MGLL: variants seen among roughly 807,000 people sequenced by gnomAD.
MGLL encodes monoglyceride lipase, also known as lysophospholipase homolog.
Under a neutral mutation model 29.1 loss-of-function variants are expected in MGLL, and 7 were observed. That is an observed-to-expected ratio of 0.24 (90% CI 0.14 to 0.45). The LOEUF is 0.45. Ranked by LOEUF, MGLL falls within the 20% of genes least tolerant of loss-of-function variation. The pLI is 0.99. For missense variants in MGLL, 356 were observed against 413.6 expected, an observed-to-expected ratio of 0.86 and a Z score of 1.21; for synonymous variants, 148 against 168.3, an observed-to-expected ratio of 0.88 and a Z score of 0.93.
intron 5 of MGLL, among the ~76,000 whole-genome samples, chr3:127,714,750 G>A (rs1039248019): frequency 2.0e-5 from 3 of 152,228 alleles, no homozygotes; most frequent in African/African-American, 7.2e-5. Context: ...CAAAGAGGCA[G>A]GAGGGGACCC....
At chr3:127,706,463 G>A (rs565525279) in intron 6 of MGLL, among the ~76,000 whole-genome samples, 9 of 152,274 alleles carry the variant, frequency 5.9e-5, no homozygotes, top group South Asian at 2.1e-4. Flanking sequence ...GCTCACAGCC[G>A]TTTCTCCCAG....
At chr3:127,696,752 G>A (rs7653846) in intron 6 of MGLL, among the ~76,000 whole-genome samples, 21,719 of 151,988 alleles carry the variant, frequency 0.14, 1,900 homozygotes, top group East Asian at 0.29. Flanking sequence ...ATCCTTGCCA[G>A]TGGGTTCTTG....
intron 3 of MGLL, among the ~76,000 whole-genome samples, chr3:127,776,794 T>A (rs1350888748): frequency 6.6e-6 from 1 of 152,226 alleles, no homozygotes; most frequent in East Asian, 1.9e-4. Context: ...TCTGATCTAT[T>A]TTGGCTTATA....
chr3:127,706,845 C>T (rs1211558996), intron 6 of MGLL, among the ~76,000 whole-genome samples: 1 of 152,190 alleles, frequency 6.6e-6, no homozygotes, highest in Non-Finnish European at 1.5e-5. Context: ...GTGTGGGAGG[C>T]TGAAGCCCAT....
chr3:127,705,578 A>C (rs1445006779), intron 6 of MGLL, among the ~76,000 whole-genome samples: 1 of 151,914 alleles, frequency 6.6e-6, no homozygotes, highest in Admixed American at 6.6e-5. Flanking sequence ...GGAGTTCGAG[A>C]CTAGCCTGAC....
At chr3:127,742,238 A>C (rs1437036593) in intron 3 of MGLL, among the ~76,000 whole-genome samples, 1 of 152,194 alleles carries the variant, frequency 6.6e-6, no homozygotes, top group Non-Finnish European at 1.5e-5. Flanking sequence ...TCCTTATTAT[A>C]TAATAGGTGG....
At chr3:127,740,308 T>G (rs1380478862) in intron 3 of MGLL, among the ~76,000 whole-genome samples, 3 of 152,096 alleles carry the variant, frequency 2.0e-5, no homozygotes, top group African/African-American at 7.2e-5. Flanking sequence ...TGAAACGCGG[T>G]CCTTGTTCAG....
At chr3:127,694,652 C>A (rs1172849979) in intron 7 of MGLL, among the ~76,000 whole-genome samples, 1 of 152,134 alleles carries the variant, frequency 6.6e-6, no homozygotes, top group Non-Finnish European at 1.5e-5. Context: ...GTCCTTGGAG[C>A]TTGGACATGT....
intron 7 of MGLL, among the ~76,000 whole-genome samples, chr3:127,693,878 C>G (rs144908029): frequency 6.6e-6 from 1 of 152,172 alleles, no homozygotes; most frequent in African/African-American, 2.4e-5. Context: ...ACAATCTTAG[C>G]GGACTCCTTT....
chr3:127,737,630 C>CTTTTTT (rs774965066), intron 3 of MGLL, among the ~76,000 whole-genome samples: 911 of 68,584 alleles, frequency 0.013, 59 homozygotes, highest in Middle Eastern at 0.05. Context: ...TCAACTGCTT[C>CTTTTTT]TTTTTTTTTT....
rs373050688 is a variant in MGLL at position 127,710,562 on chromosome 3, G to C, written c.600+14C>G. 16 of 1,547,492 alleles carry C rather than the reference G, an allele frequency of 1.0e-5. No individual in the cohort carries two copies. Among genetic ancestry groups the C allele is most frequent in the Non-Finnish European group, 1.4e-5 (16 of 1,142,522 alleles). ...CCACCCAAGCTACCCCTGGGGTTTC[G>C]GAAAGCCTCTCACCTCTGTCTTATT... is the stretch of plus-strand genomic sequence containing the variant. On this transcript the variant is annotated intron_variant, in intron 6 of 7. Coordinates refer to ENST00000265052, the MANE Select transcript of MGLL (RefSeq NM_007283.7).
At chr3:127,777,221 G>C (rs2077051622) in intron 3 of MGLL, among the ~76,000 whole-genome samples, 1 of 152,208 alleles carries the variant, frequency 6.6e-6, no homozygotes, top group Admixed American at 6.5e-5. Flanking sequence ...AAGAACACAA[G>C]GATGGGTGAG....
intron 2 of MGLL, among the ~76,000 whole-genome samples, chr3:127,813,932 T>G (rs1209217587): frequency 6.6e-6 from 1 of 151,904 alleles, no homozygotes; most frequent in Non-Finnish European, 1.5e-5. Context: ...TCCTCTTCAT[T>G]CTCTCCTCTA....
chr3:127,728,236 A>C (rs2076083340), intron 3 of MGLL, among the ~76,000 whole-genome samples: 1 of 152,178 alleles, frequency 6.6e-6, no homozygotes, highest in Non-Finnish European at 1.5e-5. Context: ...CCTAGCGTTA[A>C]TCATTCTAAT....
chr3:127,744,003 C>G (rs775428485), intron 3 of MGLL, among the ~76,000 whole-genome samples: 4 of 152,050 alleles, frequency 2.6e-5, no homozygotes, highest in Non-Finnish European at 2.9e-5. Flanking sequence ...AGCACAAGCT[C>G]GGCTTTACAA....
chr3:127,822,884 GC>G (rs1470602305), upstream of MGLL: 1 of 158,222 alleles, frequency 6.3e-6, no homozygotes, highest in Non-Finnish European at 1.4e-5. Flanking sequence ...TGGTTTGGGG[GC>G]TGGTGCGAAG....
chr3:127,777,741 G>C (rs2077060074), intron 3 of MGLL, among the ~76,000 whole-genome samples: 1 of 138,654 alleles, frequency 7.2e-6, no homozygotes, highest in Non-Finnish European at 1.6e-5. Context: ...ACTTCCCTTT[G>C]CTAACACATG....
At chr3:127,710,752 G>A (rs1477748960) in intron 5 of MGLL, 87 bp from the exon 6 acceptor site, 1 of 1,205,608 alleles carries the variant, frequency 8.3e-7, no homozygotes, top group Non-Finnish European at 1.2e-6. Flanking sequence ...GTACATTAAG[G>A]AGAGTGATGC....
chr3:127,797,893 C>T (rs942891987), intron 2 of MGLL, among the ~76,000 whole-genome samples: 1 of 152,112 alleles, frequency 6.6e-6, no homozygotes, highest in Non-Finnish European at 1.5e-5. Flanking sequence ...GGCATGTGGG[C>T]CCACCATACC....
Sources: allele counts gnomAD v4.1 joint callset (sites outside exome capture counted in the v4.1 genomes callset), GRCh38; gene constraint gnomAD v4.1.1; transcripts MANE v1.5; gene names NCBI Gene and HGNC (gene_info 2026-07-23, HGNC 2026-07-21).